Variants in ZNF423 observed in about 807,000 individuals in gnomAD.
The protein encoded by ZNF423 is zinc finger protein 423.
A neutral mutation model predicts 95.8 loss-of-function variants in ZNF423; 12 were observed. The ratio of observed to expected loss-of-function variants is 0.13; its 90% CI spans 0.08 to 0.20. The LOEUF (loss-of-function observed/expected upper bound fraction) is 0.20. Ranked by LOEUF, ZNF423 falls within the 10% of genes least tolerant of loss-of-function variation. ZNF423 has a pLI of 1.00. For missense variants in ZNF423, 1,316 were observed against 1,737.1 expected (o/e 0.76, Z 4.31); for synonymous variants, 749 against 711.9 (o/e 1.05, Z -0.83).
chr16:49,794,751 C>T (rs1256060400), intron 1 of ZNF423, among the ~76,000 whole-genome samples: 1 of 152,370 alleles, frequency 6.6e-6, no homozygotes, highest in Non-Finnish European at 1.5e-5. Flanking sequence ...ATTATTCCTT[C>T]CACCTATTGG....
intron 7 of ZNF423, among the ~76,000 whole-genome samples, chr16:49,502,250 A>G (rs1967436279): frequency 6.6e-6 from 1 of 152,272 alleles, no homozygotes; most frequent in East Asian, 1.9e-4. Context: ...CATTAGTTGA[A>G]TCCTCAGCCA....
intron 3 of ZNF423, among the ~76,000 whole-genome samples, chr16:49,647,310 T>C (rs551541175): frequency 4.6e-5 from 7 of 152,360 alleles, no homozygotes; most frequent in Non-Finnish European, 7.3e-5. Flanking sequence ...CCTCACTGGA[T>C]GGCAGGTAAA....
In ZNF423 at chr16:49,717,923, T is replaced by C. The variant is rs570981768; in HGVS notation, c.301+12848A>G. On this transcript the variant is annotated intron_variant, in intron 3 of 7. Transcript: ENST00000563137. Reference sequence around the variant, plus strand: ...CATTTCCACACCACTCATGCACACATTGGCCAGTACTGAACTACTGGACTA... The same window carrying C: ...CATTTCCACACCACTCATGCACACACTGGCCAGTACTGAACTACTGGACTA... Among the ~76,000 whole-genome samples, 3 of 152,296 alleles carry C rather than the reference T, an allele frequency of 2.0e-5. No individual in the cohort carries two copies. In the South Asian group the frequency reaches 6.2e-4, roughly 32 times the overall value.
rs957599090 is a variant in ZNF423 at position 49,603,630 on chromosome 16, G to A, written c.3601+22540C>T. ...TCACCATGTTGGCCAGGCTGGTCTC[G>A]AACTCCTGATCTCAGGTGATCCGCC... On this transcript the variant is annotated intron_variant, in intron 5 of 7. Coordinates refer to ENST00000563137, the MANE Select transcript of ZNF423 (RefSeq NM_001379286.1). This position sits in a 1 kb window ranked among gnomAD's most constrained non-coding sequence, Gnocchi z 4.1. Among the ~76,000 whole-genome samples, 23 of 152,140 alleles carry A rather than the reference G, an allele frequency of 1.5e-4. No homozygotes were observed. The highest frequency in any genetic ancestry group is 5.1e-4 in the African/African-American group (21 of 41,422).
At chr16:49,582,884 AAAG>A (rs1970714393) in intron 5 of ZNF423, among the ~76,000 whole-genome samples, 1 of 152,256 alleles carries the variant, frequency 6.6e-6, no homozygotes, top group Non-Finnish European at 1.5e-5. Context: ...CACTATCACC[AAAG>A]ATCAGTTTTA....
At chr16:49,553,684 T>C (rs1174063927) in intron 5 of ZNF423, among the ~76,000 whole-genome samples, 1 of 151,796 alleles carries the variant, frequency 6.6e-6, no homozygotes, top group African/African-American at 2.4e-5. Context: ...TCTCACTCTG[T>C]TGCCCAGGCT....
rs150029546 is a variant in ZNF423 at position 49,513,222 on chromosome 16, C to T, written c.3849+10402G>A. Among the ~76,000 whole-genome samples the T allele has an allele frequency of 1.4e-3, 207 of 152,332 alleles. 1 individual carries two copies. Among genetic ancestry groups the T allele is most frequent in the African/African-American group, 4.7e-3 (196 of 41,570 alleles). On this transcript the variant is annotated intron_variant, in intron 7 of 7. Coordinates refer to ENST00000563137, the MANE Select transcript of ZNF423 (RefSeq NM_001379286.1). ...CTGACTCCAGCGTGAGCAACAGGTT[C>T]TCACTCCCTGGAACCACCACTGGGT...
chr16:49,858,100 C>T (rs2035391427), upstream of ZNF423, among the ~76,000 whole-genome samples: 1 of 152,144 alleles, frequency 6.6e-6, no homozygotes, highest in Admixed American at 6.5e-5. The surrounding 1 kb of genome is among the most constrained non-coding windows in gnomAD (Gnocchi z 4.3). Flanking sequence ...CGGCGCGGCG[C>T]TGGGGGTTAT....
intron 5 of ZNF423, among the ~76,000 whole-genome samples, chr16:49,570,091 C>A (rs1212648146): frequency 6.6e-6 from 1 of 152,156 alleles, no homozygotes; most frequent in Non-Finnish European, 1.5e-5. Flanking sequence ...ATAGGAGAGT[C>A]CTTATCCCTG....
At chr16:49,741,682 C>A (rs1473039028) in intron 2 of ZNF423, among the ~76,000 whole-genome samples, 1 of 152,214 alleles carries the variant, frequency 6.6e-6, no homozygotes, top group Non-Finnish European at 1.5e-5. Flanking sequence ...GGAGTGTGTC[C>A]AGCAAGAGCC....
intron 1 of ZNF423, among the ~76,000 whole-genome samples, chr16:49,789,786 C>T (rs1173157088): frequency 6.6e-6 from 1 of 152,140 alleles, no homozygotes; most frequent in Non-Finnish European, 1.5e-5. Flanking sequence ...TTTCCCCAGC[C>T]CTGTGCCCCT....
At chr16:49,566,126 C>A (rs1193778517) in intron 5 of ZNF423, among the ~76,000 whole-genome samples, 1 of 152,148 alleles carries the variant, frequency 6.6e-6, no homozygotes, top group Non-Finnish European at 1.5e-5. Context: ...GACTCCTTAC[C>A]CCCAGACTTC....
chr16:49,759,684 C>T (rs996412327), intron 2 of ZNF423, among the ~76,000 whole-genome samples: 131 of 152,292 alleles, frequency 8.6e-4, no homozygotes, highest in African/African-American at 3.0e-3. Context: ...TGCTTTTAAC[C>T]CCTGTGACAG....
At chr16:49,746,109 CCTGTAACAACATCCTACATCAACT>C (rs2033518630) in intron 2 of ZNF423, among the ~76,000 whole-genome samples, 1 of 152,194 alleles carries the variant, frequency 6.6e-6, no homozygotes, top group Non-Finnish European at 1.5e-5. Context: ...AGTTTCCCCA[CCTGTAACAACATCCTACATCAACT>C]CTGTGTGGAG....
chr16:49,857,280 G>A (rs2035381258), upstream of ZNF423, among the ~76,000 whole-genome samples: 2 of 147,894 alleles, frequency 1.4e-5, no homozygotes, highest in African/African-American at 2.5e-5. This position sits in a 1 kb window ranked among gnomAD's most constrained non-coding sequence, Gnocchi z 6.2. Flanking sequence ...ATACAGCTCC[G>A]GCCGCCCGCA....
chr16:49,730,994 C>T (rs1567316459), intron 2 of ZNF423, 23 bp from the exon 3 acceptor site: 1 of 1,611,904 alleles, frequency 6.2e-7, no homozygotes, highest in African/African-American at 1.3e-5. Flanking sequence ...AGAATACAGT[C>T]CATGTCAGCT....
chr16:49,757,266 G>A (rs2033744629), intron 2 of ZNF423, among the ~76,000 whole-genome samples: 1 of 152,068 alleles, frequency 6.6e-6, no homozygotes, highest in Admixed American at 6.5e-5. Flanking sequence ...GATTCCATAG[G>A]TTCGTGATGC....
chr16:49,636,367 T>G lies in ZNF423; in HGVS notation c.2809A>C (p.Ser937Arg), dbSNP rs918149269. ...SRKKAEFIKGSHKCNVCSRTF... is the reference protein window; with the variant it reads ...SRKKAEFIKGRHKCNVCSRTF... ...CGTGAACAAACGTTGCACTTGTGACTGCCCTTGATAAACTCAGCCTTCTTG... is the reference window on the plus strand; with the variant it reads ...CGTGAACAAACGTTGCACTTGTGACGGCCCTTGATAAACTCAGCCTTCTTG... The change falls in exon 4 of 8, where the codon AGT becomes CGT. Residue 937 changes from serine to arginine, a missense_variant. Physicochemically the swap from Ser to Arg is moderately radical, Grantham distance 110. Around this residue, in one of 6 missense-constraint regions of ZNF423, gnomAD observed 620 missense variants for 775.6 expected, o/e 0.80. Transcript: ENST00000563137. The surrounding 1 kb of genome is among the most constrained non-coding windows in gnomAD (Gnocchi z 8.6). The G allele has an allele frequency of 4.3e-6, 7 of 1,612,998 alleles. No individual in the cohort carries two copies. The highest frequency in any genetic ancestry group is 1.7e-5 in the Admixed American group (1 of 60,028).
chr16:49,695,728 C>T (rs1453167943), intron 3 of ZNF423, among the ~76,000 whole-genome samples: 1 of 152,218 alleles, frequency 6.6e-6, no homozygotes, highest in Non-Finnish European at 1.5e-5. Flanking sequence ...CGCCAGGCCC[C>T]TTACTGGTTT....
Sources: allele counts gnomAD v4.1 joint callset (sites outside exome capture counted in the v4.1 genomes callset), GRCh38; gene constraint gnomAD v4.1.1; regional missense constraint gnomAD v4.1.1; non-coding constraint Gnocchi (gnomAD v3.1); transcripts MANE v1.5; gene names NCBI Gene and HGNC (gene_info 2026-07-23, HGNC 2026-07-21).